SERINC5: variants seen among roughly 807,000 people sequenced by gnomAD.
The protein encoded by SERINC5 is serine incorporator 5.
SERINC5 carries 41 observed loss-of-function variants against 63.1 expected under a neutral mutation model. The ratio of observed to expected loss-of-function variants is 0.65; its 90% CI spans 0.51 to 0.84. The LOEUF is 0.84. Among genes scored for constraint, SERINC5 ranks in the 40% least tolerant of loss-of-function variants. The probability of loss-of-function intolerance (pLI) is 0.00; values close to 1 mark genes in which losing one functional copy is unlikely to be tolerated. For missense variants in SERINC5, 523 were observed against 573.0 expected (o/e 0.91, Z 0.89); for synonymous variants, 222 against 215.2 (o/e 1.03, Z -0.28).
At chr5:80,133,001 G>GGCCTGGTGGGAGGTGTC (rs1745007312) in intron 11 of SERINC5, among the ~76,000 whole-genome samples, 1 of 152,118 alleles carries the variant, frequency 6.6e-6, no homozygotes, top group African/African-American at 2.4e-5. Context: ...TTGGAGGTGG[G>GGCCTGGTGGGAGGTGTC]GCCTGGTGGG....
chr5:80,185,918 G>A (rs1054464627), intron 2 of SERINC5, among the ~76,000 whole-genome samples: 8 of 152,044 alleles, frequency 5.3e-5, no homozygotes, highest in African/African-American at 1.9e-4. Flanking sequence ...AGTCACAGGG[G>A]ATGCGATAGC....
chr5:80,233,444 T>C (rs767448080), intron 1 of SERINC5, among the ~76,000 whole-genome samples: 2 of 152,046 alleles, frequency 1.3e-5, no homozygotes, highest in African/African-American at 2.4e-5. Context: ...ACAATAATAA[T>C]TTCTTTAGTT....
intron 11 of SERINC5, among the ~76,000 whole-genome samples, chr5:80,133,583 A>G (rs1483454759): frequency 6.6e-6 from 1 of 152,220 alleles, no homozygotes; most frequent in Non-Finnish European, 1.5e-5. Flanking sequence ...AGGGCCCAAG[A>G]CTGTCTGAGT....
intron 1 of SERINC5, among the ~76,000 whole-genome samples, chr5:80,212,661 G>A (rs956794855): frequency 7.3e-6 from 1 of 136,122 alleles, no homozygotes; most frequent in African/African-American, 2.8e-5. Context: ...GGGCAGTGGT[G>A]GGGTGGGGGG....
At chr5:80,188,329 A>C (rs1748963744) in intron 2 of SERINC5, among the ~76,000 whole-genome samples, 1 of 151,916 alleles carries the variant, frequency 6.6e-6, no homozygotes, top group African/African-American at 2.4e-5. Flanking sequence ...GATTATTCTC[A>C]ATTTTATTTG....
At chr5:80,230,586 T>C (rs1025948631) in intron 1 of SERINC5, among the ~76,000 whole-genome samples, 1 of 152,162 alleles carries the variant, frequency 6.6e-6, no homozygotes, top group Non-Finnish European at 1.5e-5. Context: ...CTCTCATTTA[T>C]GCAGCACTCC....
intron 1 of SERINC5, among the ~76,000 whole-genome samples, chr5:80,248,722 C>T (rs964495619): frequency 2.6e-5 from 4 of 152,152 alleles, no homozygotes; most frequent in African/African-American, 9.7e-5. Context: ...ATAAGAAACA[C>T]AGGCCTCAAT....
At chr5:80,199,200 A>C (rs1247413406) in intron 2 of SERINC5, among the ~76,000 whole-genome samples, 1 of 152,096 alleles carries the variant, frequency 6.6e-6, no homozygotes, top group Non-Finnish European at 1.5e-5. Context: ...CTCTAGTCAC[A>C]CAGCCTCGTA....
At chr5:80,196,505 C>T (rs1749508092) in intron 2 of SERINC5, among the ~76,000 whole-genome samples, 1 of 152,046 alleles carries the variant, frequency 6.6e-6, no homozygotes, top group Admixed American at 6.5e-5. Flanking sequence ...AATTACTACA[C>T]AATCCAGCAA....
intron 7 of SERINC5, among the ~76,000 whole-genome samples, chr5:80,161,036 GTATATA>G (rs538888494): frequency 1.6e-5 from 2 of 124,836 alleles, no homozygotes; most frequent in African/African-American, 7.7e-5. Context: ...ATACACACGT[GTATATA>G]TATATATGTA....
At chr5:80,237,037 G>A (rs1490758752) in intron 1 of SERINC5, among the ~76,000 whole-genome samples, 1 of 151,660 alleles carries the variant, frequency 6.6e-6, no homozygotes, top group African/African-American at 2.4e-5. Context: ...CGTTGGCCAG[G>A]CCGGTCTTTG....
chr5:80,142,657 A>C lies in SERINC5; in HGVS notation c.*1006T>G. 1.0e-6 allele frequency: 1 copy of C among 985,416 alleles called. No homozygotes were observed. The highest frequency in any genetic ancestry group is 1.2e-6 in the Non-Finnish European group (1 of 829,952). 61.0% of individuals were successfully genotyped at this position (985,416 alleles called of 1,614,324 possible). A position where few individuals can be genotyped will look rare whatever the true frequency, so the allele number is the denominator to read the frequency against. ...GTCACGTTACAGATCCAGAACACAA[A>C]ACGACTTCCGCTTTTACAGTTTCAA... is the stretch of plus-strand genomic sequence containing the variant. On this transcript the variant is annotated 3_prime_UTR_variant, in exon 12 of 12. Coordinates refer to ENST00000507668, the MANE Select transcript of SERINC5 (RefSeq NM_001174072.3).
At chr5:80,165,991 G>A (rs376641961) in intron 7 of SERINC5, among the ~76,000 whole-genome samples, 4 of 152,094 alleles carry the variant, frequency 2.6e-5, no homozygotes, top group Non-Finnish European at 4.4e-5. Flanking sequence ...CATAGTAGGC[G>A]TACATATTTC....
downstream of SERINC5, among the ~76,000 whole-genome samples, chr5:80,137,085 A>G (rs945652551): frequency 1.4e-5 from 2 of 140,784 alleles, no homozygotes; most frequent in Non-Finnish European, 3.1e-5. Context: ...GGTTGCAGTG[A>G]GCTGACATCG....
chr5:80,245,965 TAA>T (rs57108110), intron 1 of SERINC5, among the ~76,000 whole-genome samples: 5,697 of 115,954 alleles, frequency 0.049, 217 homozygotes, highest in African/African-American at 0.12. Flanking sequence ...GTCAGCTCTT[TAA>T]AAAAAAAAAA....
intron 2 of SERINC5, among the ~76,000 whole-genome samples, chr5:80,190,946 C>T (rs115091462): frequency 0.021 from 832 of 40,486 alleles, 7 homozygotes; most frequent in Middle Eastern, 0.091. Flanking sequence ...AACCCCACTT[C>T]TTCCTGGATC....
chr5:80,147,353 T>C, intron 9 of SERINC5, 69 bp from the exon 10 acceptor site: 2 of 1,498,096 alleles, frequency 1.3e-6, no homozygotes, highest in Non-Finnish European at 9.1e-7. Context: ...AAGACAACAG[T>C]AACCCTTATT....
chr5:80,112,786 A>C (rs1344124281), intron 12 of SERINC5, among the ~76,000 whole-genome samples: 2 of 152,058 alleles, frequency 1.3e-5, no homozygotes, highest in Non-Finnish European at 2.9e-5. Context: ...ATTTCTAAAA[A>C]ATAAATAAAT....
At chr5:80,216,532 G>C (rs920404988) in intron 1 of SERINC5, among the ~76,000 whole-genome samples, 15 of 152,248 alleles carry the variant, frequency 9.9e-5, no homozygotes, top group South Asian at 4.1e-4. Context: ...CAAGAGCTGT[G>C]GGAACATTCA....
Sources: gnomAD v4.1 joint callset for allele counts (sites outside exome capture counted in the v4.1 genomes callset) on GRCh38, gnomAD v4.1.1 for gene constraint, MANE v1.5 for transcripts, NCBI Gene and HGNC (gene_info 2026-07-23, HGNC 2026-07-21) for gene names.